The following ZC3H12C variants were observed in gnomAD, a reference collection of about 807,000 sequenced individuals.
ZC3H12C encodes zinc finger CCCH-type containing 12C, also known as probable ribonuclease ZC3H12C.
ZC3H12C carries 20 observed loss-of-function variants against 76.3 expected under a neutral mutation model. The observed-to-expected ratio is 0.26, with a 90% confidence interval of 0.18 to 0.38. ZC3H12C has a LOEUF of 0.38. Among genes scored for constraint, ZC3H12C ranks in the 10% least tolerant of loss-of-function variants. The pLI is 1.00. For missense variants in ZC3H12C, 874 were observed against 1,086.5 expected (o/e 0.80, Z 2.75); for synonymous variants, 352 against 399.6 (o/e 0.88, Z 1.42).
intron 1 of ZC3H12C, among the ~76,000 whole-genome samples, chr11:110,114,282 T>A (rs948303666): frequency 2.0e-5 from 3 of 152,182 alleles, no homozygotes; most frequent in Non-Finnish European, 4.4e-5. Context: ...AATATAGGAA[T>A]AGTTTGTCAC....
intron 1 of ZC3H12C, among the ~76,000 whole-genome samples, chr11:110,106,445 CAG>C (rs979058305): frequency 6.6e-6 from 1 of 152,148 alleles, no homozygotes; most frequent in Non-Finnish European, 1.5e-5. Context: ...TTTGTACAGT[CAG>C]AGAGATGGAG....
At chr11:110,123,285 C>T (rs911564751) in intron 1 of ZC3H12C, among the ~76,000 whole-genome samples, 6 of 152,086 alleles carry the variant, frequency 3.9e-5, no homozygotes, top group African/African-American at 7.2e-5. Flanking sequence ...TTCCTCATTC[C>T]GTGAGTATTT....
At chr11:110,125,659 G>A (rs1861731047) in intron 1 of ZC3H12C, among the ~76,000 whole-genome samples, 1 of 152,118 alleles carries the variant, frequency 6.6e-6, no homozygotes, top group Non-Finnish European at 1.5e-5. Context: ...GGTGTCTGAT[G>A]TTCTGTCCAC....
chr11:110,107,490 C>T (rs1204607696), intron 1 of ZC3H12C, among the ~76,000 whole-genome samples: 3 of 152,056 alleles, frequency 2.0e-5, no homozygotes, highest in Non-Finnish European at 4.4e-5. Context: ...GCTGGGACCA[C>T]AGGCACACAC....
At chr11:110,159,939 T>C (rs1227110745) in intron 4 of ZC3H12C, among the ~76,000 whole-genome samples, 1 of 152,234 alleles carries the variant, frequency 6.6e-6, no homozygotes, top group Non-Finnish European at 1.5e-5. Flanking sequence ...TCATAGAGTG[T>C]ACTTACACAA....
rs372870702 is a variant in ZC3H12C at position 110,136,851 on chromosome 11, C to T, written c.210C>T (p.Thr70=). 9.3e-6 allele frequency: 15 copies of T among 1,613,588 alleles called. No homozygotes were observed. Among genetic ancestry groups the T allele is most frequent in the Admixed American group, 6.7e-5 (4 of 59,942 alleles). The change falls in exon 2 of 6, where the codon ACC becomes ACT. Residue 70 remains threonine (T), a synonymous_variant. Coordinates refer to ENST00000278590, the MANE Select transcript of ZC3H12C (RefSeq NM_033390.2). ...WSTVENPSMD[T]VNVGKDEKEA... is the part of the protein sequence containing the mutation. ...CAGTAGAAAACCCAAGTATGGATAC[C>T]GTTAATGTGGGGAAGGATGAAAAAG...
At chr11:110,141,861 C>T (rs1862072655) in intron 2 of ZC3H12C, among the ~76,000 whole-genome samples, 1 of 152,154 alleles carries the variant, frequency 6.6e-6, no homozygotes, top group Non-Finnish European at 1.5e-5. Flanking sequence ...GAAATACATA[C>T]TAAAATTAAC....
At chr11:110,144,032 AGAT>A (rs1349120381) in intron 2 of ZC3H12C, among the ~76,000 whole-genome samples, 14 of 147,856 alleles carry the variant, frequency 9.5e-5, no homozygotes. Flanking sequence ...TTTAAATAAA[AGAT>A]GATATATAGA....
intron 1 of ZC3H12C, among the ~76,000 whole-genome samples, chr11:110,094,168 CTCTG>C (rs1349316071): frequency 1.3e-5 from 2 of 152,218 alleles, no homozygotes; most frequent in Non-Finnish European, 2.9e-5. Flanking sequence ...GTACTGATTA[CTCTG>C]TCTGGGGTTC....
chr11:110,165,588 C>A lies in ZC3H12C; in HGVS notation c.2503C>A (p.Gln835Lys), dbSNP rs1029505889. The part of the protein sequence containing the change: ...CGMPQDPPRY[Q>K]DNREKIYINL... Reference sequence around the variant, plus strand: ...AATGCCGCAAGATCCCCCGAGGTATCAAGACAACCGAGAAAAGATTTATAT... The same window carrying A: ...AATGCCGCAAGATCCCCCGAGGTATAAAGACAACCGAGAAAAGATTTATAT... Residue 835 changes from glutamine (Q) to lysine (K), a missense_variant, in exon 6 of 6, where the codon CAA becomes AAA. By Grantham distance (53) the Gln-to-Lys change is moderately conservative. This residue lies in a region of ZC3H12C where 395 missense variants were observed against 434.4 expected (regional missense o/e 0.91). Transcript: ENST00000278590. 2 of 1,609,896 alleles carry A rather than the reference C, an allele frequency of 1.2e-6. No homozygotes were observed. Among genetic ancestry groups the A allele is most frequent in the Non-Finnish European group, 1.7e-6 (2 of 1,177,964 alleles).
intron 1 of ZC3H12C, among the ~76,000 whole-genome samples, chr11:110,117,852 C>T (rs28638100): frequency 1.7e-5 from 2 of 119,888 alleles, no homozygotes; most frequent in African/African-American, 3.2e-5. Flanking sequence ...TACACACACA[C>T]ATATATATAA....
chr11:110,135,934 T>C (rs1196107654), intron 1 of ZC3H12C: 1 of 152,208 alleles, frequency 6.6e-6, no homozygotes, highest in African/African-American at 2.4e-5. Flanking sequence ...AAGGATAGCA[T>C]AATGCTAGAA....
intron 3 of ZC3H12C, among the ~76,000 whole-genome samples, chr11:110,158,499 G>T (rs570330789): frequency 1.5e-4 from 22 of 151,266 alleles, no homozygotes; most frequent in Non-Finnish European, 2.8e-4. Context: ...GATAGACCAA[G>T]ACTCAGTCAC....
chr11:110,145,287 T>C (rs2134184600), intron 2 of ZC3H12C, among the ~76,000 whole-genome samples: 2 of 152,322 alleles, frequency 1.3e-5, no homozygotes, highest in South Asian at 2.1e-4. Context: ...AGTATATTAG[T>C]CTTGAGTAAA....
chr11:110,136,658 T>C lies in ZC3H12C; in HGVS notation c.22-5T>C, dbSNP rs895513581. 2.5e-6 allele frequency: 4 copies of C among 1,600,820 alleles called. No individual in the cohort carries two copies. Among genetic ancestry groups the C allele is most frequent in the African/African-American group, 1.3e-5 (1 of 74,144 alleles). Reference sequence around the variant, plus strand: ...AAATTCTAAATATTTTACATTTTTCTCTAGGAATACGGGGTGCTTTGCATT... The same window carrying C: ...AAATTCTAAATATTTTACATTTTTCCCTAGGAATACGGGGTGCTTTGCATT... On this transcript the variant is annotated splice_region_variant and splice_polypyrimidine_tract_variant and intron_variant, in intron 1 of 5. Coordinates refer to ENST00000278590, the MANE Select transcript of ZC3H12C (RefSeq NM_033390.2).
intron 1 of ZC3H12C, among the ~76,000 whole-genome samples, chr11:110,111,816 T>A (rs1312075617): frequency 2.6e-5 from 4 of 151,840 alleles, no homozygotes; most frequent in African/African-American, 9.7e-5. Context: ...GTGCTGAGAT[T>A]ACAGGCGTGA....
At chr11:110,099,114 T>A (rs1861166495) in intron 1 of ZC3H12C, among the ~76,000 whole-genome samples, 1 of 152,238 alleles carries the variant, frequency 6.6e-6, no homozygotes, top group Admixed American at 6.5e-5. Context: ...TCTAACGTTG[T>A]GTTATTTAAT....
chr11:110,095,980 C>G (rs188256820), intron 1 of ZC3H12C, among the ~76,000 whole-genome samples: 5 of 152,086 alleles, frequency 3.3e-5, no homozygotes, highest in Non-Finnish European at 5.9e-5. Flanking sequence ...TATTGAGATT[C>G]CGGAGTTTGA....
chr11:110,143,055 A>G (rs890867235), intron 2 of ZC3H12C, among the ~76,000 whole-genome samples: 1 of 152,232 alleles, frequency 6.6e-6, no homozygotes, highest in Non-Finnish European at 1.5e-5. Context: ...GAGATCAGAG[A>G]CAATAACGTT....
Sources: allele counts gnomAD v4.1 joint callset (sites outside exome capture counted in the v4.1 genomes callset), GRCh38; gene constraint gnomAD v4.1.1; regional missense constraint gnomAD v4.1.1; transcripts MANE v1.5; gene names NCBI Gene and HGNC (gene_info 2026-07-23, HGNC 2026-07-21).